Variants in PLCE1 observed in about 807,000 individuals in gnomAD.
The protein encoded by PLCE1 is phospholipase C epsilon 1.
PLCE1 carries 119 observed loss-of-function variants against 242.8 expected under a neutral mutation model. That is an observed-to-expected ratio of 0.49 (90% CI 0.42 to 0.57). The LOEUF (loss-of-function observed/expected upper bound fraction) is 0.57. Among genes scored for constraint, PLCE1 ranks in the 20% least tolerant of loss-of-function variants. The pLI is 0.00. For synonymous variants in PLCE1, 945 were observed against 1,017.4 expected (o/e 0.93, Z 1.35); for missense variants, 2,441 against 2,788.8 (o/e 0.88, Z 2.81).
chr10:94,050,848 A>G (rs2043745158), intron 2 of PLCE1, among the ~76,000 whole-genome samples: 1 of 152,204 alleles, frequency 6.6e-6, no homozygotes, highest in Non-Finnish European at 1.5e-5. Context: ...GTTCAATTCA[A>G]AGAGATGATT....
intron 8 of PLCE1, among the ~76,000 whole-genome samples, chr10:94,251,338 A>C (rs1456650862): frequency 6.6e-6 from 1 of 152,214 alleles, no homozygotes; most frequent in Non-Finnish European, 1.5e-5. Flanking sequence ...CATTAGGCTG[A>C]AGGAGCAAGC....
chr10:94,260,666 GTTTTA>G (rs1206917621), intron 13 of PLCE1, among the ~76,000 whole-genome samples: 1 of 149,700 alleles, frequency 6.7e-6, no homozygotes, highest in African/African-American at 2.5e-5. Flanking sequence ...TTTTATTTTT[GTTTTA>G]TTTTAAAATA....
intron 2 of PLCE1, among the ~76,000 whole-genome samples, chr10:94,115,146 T>C (rs1208190786): frequency 2.7e-5 from 4 of 150,888 alleles, no homozygotes; most frequent in African/African-American, 9.7e-5. Flanking sequence ...ATATGCCACA[T>C]TTTCTTAATC....
At chr10:94,010,223 C>T (rs1039170634) in intron 1 of PLCE1, among the ~76,000 whole-genome samples, 15 of 152,208 alleles carry the variant, frequency 9.9e-5, no homozygotes, top group African/African-American at 3.6e-4. Context: ...AAGAGGCAGC[C>T]TGAGCTGTAC....
chr10:94,043,903 G>A (rs748442537), intron 2 of PLCE1, among the ~76,000 whole-genome samples: 1 of 152,156 alleles, frequency 6.6e-6, no homozygotes, highest in Non-Finnish European at 1.5e-5. Flanking sequence ...TTATTCAGAG[G>A]AAAGAGGGGC....
intron 1 of PLCE1, among the ~76,000 whole-genome samples, chr10:94,007,351 T>A (rs2061058608): frequency 6.6e-6 from 1 of 151,734 alleles, no homozygotes; most frequent in African/African-American, 2.4e-5. Flanking sequence ...GGCCAAGGAG[T>A]GGCTGGTGCT....
chr10:94,232,943 T>A (rs2050194035), intron 5 of PLCE1, among the ~76,000 whole-genome samples: 1 of 152,184 alleles, frequency 6.6e-6, no homozygotes, highest in South Asian at 2.1e-4. Flanking sequence ...CAGGTCAATG[T>A]CCCCAGGGAA....
chr10:94,063,953 A>G (rs543384013), intron 2 of PLCE1, among the ~76,000 whole-genome samples: 5 of 152,246 alleles, frequency 3.3e-5, no homozygotes, highest in Non-Finnish European at 7.4e-5. Flanking sequence ...GGAGCATGGT[A>G]CACATTGAAG....
rs1345378487 is a variant in PLCE1, at chr10:94,270,596, T to G, written c.4500T>G (p.Ile1500Met). 7 of 1,587,874 alleles carry G rather than the reference T, an allele frequency of 4.4e-6. No individual in the cohort carries two copies. The highest frequency in any genetic ancestry group is 6.1e-6 in the Non-Finnish European group (7 of 1,156,070). ...SLPQQRKMAEIFKTVFGEKLV... is the reference protein window; with the variant it reads ...SLPQQRKMAEMFKTVFGEKLV... ...CTCAGCAACGAAAAATGGCAGAAATTTTCAAGGTGAGCTCTCAACAAAAAG... is the reference window on the plus strand; with the variant it reads ...CTCAGCAACGAAAAATGGCAGAAATGTTCAAGGTGAGCTCTCAACAAAAAG... The change falls in exon 18 of 33, where the codon ATT (isoleucine) becomes ATG (methionine). Residue 1500 changes from isoleucine (I) to methionine (M), a missense_variant. This residue lies in a region of PLCE1 where 1,004 missense variants were observed against 1,322.7 expected (regional missense o/e 0.76). Coordinates refer to ENST00000371380, the MANE Select transcript of PLCE1 (RefSeq NM_016341.4).
intron 2 of PLCE1, among the ~76,000 whole-genome samples, chr10:94,046,012 A>G (rs1391915252): frequency 6.6e-6 from 1 of 151,528 alleles, no homozygotes; most frequent in East Asian, 1.9e-4. Flanking sequence ...ATAGTTTCTC[A>G]GGTTTGTCCT....
chr10:94,119,422 G>C (rs1007387894), intron 2 of PLCE1, among the ~76,000 whole-genome samples: 1 of 152,070 alleles, frequency 6.6e-6, no homozygotes, highest in Non-Finnish European at 1.5e-5. Flanking sequence ...GAACAGAAAT[G>C]GTTCTGGCCT....
intron 4 of PLCE1, among the ~76,000 whole-genome samples, chr10:94,174,680 C>G (rs914893924): frequency 6.6e-6 from 1 of 151,970 alleles, no homozygotes; most frequent in Admixed American, 6.6e-5. Context: ...CCACATAAAT[C>G]TAGCAATGAA....
In PLCE1 at chr10:94,329,005, CT is replaced by C. The variant is rs1392937625; in HGVS notation, c.*1063del. The C allele has an allele frequency of 4.6e-5, 7 of 152,146 alleles. No individual in the cohort carries two copies. The highest frequency in any genetic ancestry group is 3.9e-4 in the Admixed American group (6 of 15,268). 9.4% of individuals were successfully genotyped at this position (152,146 alleles called of 1,614,324 possible). On this transcript the variant is annotated 3_prime_UTR_variant, in exon 33 of 33. Transcript: ENST00000371380. ...TTATTTTGCAAGGTTTGTACTGACA[CT>C]ATACTTATATATTTATTATACATCG...
chr10:94,285,573 C>G (rs528923331), intron 22 of PLCE1, among the ~76,000 whole-genome samples: 2 of 152,296 alleles, frequency 1.3e-5, no homozygotes, highest in African/African-American at 4.8e-5. Flanking sequence ...CCCTTTATTC[C>G]CTTCTGGTTG....
At chr10:94,313,969 G>A (rs1239258969) in intron 28 of PLCE1, among the ~76,000 whole-genome samples, 1 of 152,122 alleles carries the variant, frequency 6.6e-6, no homozygotes, top group African/African-American at 2.4e-5. Context: ...CCTTTTGGTG[G>A]TAGCAAGAGG....
At chr10:94,211,788 C>T (rs2049339049) in intron 4 of PLCE1, among the ~76,000 whole-genome samples, 1 of 152,114 alleles carries the variant, frequency 6.6e-6, no homozygotes, top group Non-Finnish European at 1.5e-5. Context: ...CCCACCCACC[C>T]CAAGCGGTTT....
chr10:94,218,985 A>G (rs1482111796), intron 4 of PLCE1, among the ~76,000 whole-genome samples: 2 of 147,658 alleles, frequency 1.4e-5, no homozygotes, highest in Non-Finnish European at 3.0e-5. Context: ...AATTATAGTT[A>G]TATATAAATA....
chr10:94,223,076 T>A (rs2049810564), intron 4 of PLCE1, among the ~76,000 whole-genome samples: 1 of 151,850 alleles, frequency 6.6e-6, no homozygotes, highest in African/African-American at 2.4e-5. Flanking sequence ...CTCAGGGCAG[T>A]GCTGCCTAAA....
intron 2 of PLCE1, among the ~76,000 whole-genome samples, chr10:94,050,463 AT>A (rs1401955845): frequency 2.0e-5 from 3 of 152,122 alleles, no homozygotes; most frequent in Middle Eastern, 3.2e-3. Flanking sequence ...CGTGGGGTCT[AT>A]GGGGATTACA....
Sources: allele counts gnomAD v4.1 joint callset (sites outside exome capture counted in the v4.1 genomes callset), GRCh38; gene constraint gnomAD v4.1.1; regional missense constraint gnomAD v4.1.1; transcripts MANE v1.5; gene names NCBI Gene and HGNC (gene_info 2026-07-23, HGNC 2026-07-21).